The following PTPN11 variants were observed in gnomAD, a reference collection of about 807,000 sequenced individuals.
The protein encoded by PTPN11 is tyrosine-protein phosphatase non-receptor type 11.
Under a neutral mutation model 78.8 loss-of-function variants are expected in PTPN11, and 6 were observed. That is an observed-to-expected ratio of 0.08 (90% CI 0.04 to 0.15). The LOEUF is 0.15. PTPN11 is among the 10% of genes least tolerant of loss of function. The pLI is 1.00. For synonymous variants in PTPN11, 221 were observed against 263.5 expected, an observed-to-expected ratio of 0.84 and a Z score of 1.56; for missense variants, 386 against 744.8, an observed-to-expected ratio of 0.52 and a Z score of 5.61.
At chr12:112,423,995 G>C (rs545839060) in intron 1 of PTPN11, among the ~76,000 whole-genome samples, 1 of 152,168 alleles carries the variant, frequency 6.6e-6, no homozygotes, top group Non-Finnish European at 1.5e-5. Context: ...CAAGCTGTCT[G>C]CCTGCCTCGG....
intron 6 of PTPN11, among the ~76,000 whole-genome samples, chr12:112,458,861 C>T (rs961783265): frequency 5.9e-5 from 9 of 151,988 alleles, no homozygotes; most frequent in Admixed American, 3.9e-4. Context: ...GGTAAAACCC[C>T]GTCTCTACAA....
chr12:112,419,774 T>G (rs572317924), intron 1 of PTPN11, among the ~76,000 whole-genome samples: 1 of 152,354 alleles, frequency 6.6e-6, no homozygotes, highest in East Asian at 1.9e-4. Flanking sequence ...CATCTCGTTA[T>G]TTAATCCTTC....
intron 10 of PTPN11, among the ~76,000 whole-genome samples, chr12:112,485,414 C>A (rs769880468): frequency 1.1e-4 from 16 of 152,150 alleles, no homozygotes; most frequent in Non-Finnish European, 1.3e-4. Flanking sequence ...TATTAATTAT[C>A]ATTATCCTCA....
Position 112,507,052 on chromosome 12 carries a change from G to GC in PTPN11, c.*1263dup. The GC allele has an allele frequency of 5.7e-6, 1 of 176,576 alleles. No individual in the cohort carries two copies. Among genetic ancestry groups the GC allele is most frequent in the Non-Finnish European group, 1.2e-5 (1 of 83,202 alleles). The allele number at this position is 176,576 out of a possible 1,614,324, so 10.9% of individuals were successfully genotyped here. On this transcript the variant is annotated 3_prime_UTR_variant, in exon 16 of 16. Transcript: ENST00000351677. ...CCTCTACTTACTAAACAAGTCACAA[G>GC]CCCAGCTCAGATTCAAGAAAAGGGT...
intron 3 of PTPN11, 90 bp downstream of exon 3, chr12:112,450,602 C>A: frequency 1.6e-6 from 2 of 1,251,356 alleles, no homozygotes; most frequent in Non-Finnish European, 2.3e-6. Context: ...GACTCTCTGA[C>A]TCCAAAGGCT....
At chr12:112,427,473 G>A (rs1460304868) in intron 1 of PTPN11, among the ~76,000 whole-genome samples, 1 of 148,298 alleles carries the variant, frequency 6.7e-6, no homozygotes, top group Non-Finnish European at 1.5e-5. Flanking sequence ...GTGAACCCGG[G>A]AGGTGGAGGT....
intron 1 of PTPN11, among the ~76,000 whole-genome samples, chr12:112,424,959 TG>T (rs2037588977): frequency 3.7e-4 from 9 of 24,414 alleles, no homozygotes; most frequent in Non-Finnish European, 5.9e-4. Flanking sequence ...AGGCTAATTG[TG>T]TGTGTGTGTG....
chr12:112,482,196 G>A lies in PTPN11; in HGVS notation c.1215G>A (p.Lys405=). The change falls in exon 10 of 16, where the codon AAG becomes AAA. Residue 405 remains lysine (K), a synonymous_variant. Transcript: ENST00000351677. The surrounding 1 kb of genome is among the most constrained non-coding windows in gnomAD (Gnocchi z 4.4). The stretch of plus-strand genomic sequence containing the variant: ...CGCTAAGAGAACTTAAACTTTCAAA[G>A]GTTGGACAAGTAAGTATATTGTCGT... ...DYTLRELKLS[K]VGQGNTERTV... 1 of 1,613,478 alleles carries A rather than the reference G, an allele frequency of 6.2e-7. No homozygotes were observed. Among genetic ancestry groups the A allele is most frequent in the Non-Finnish European group, 8.5e-7 (1 of 1,179,534 alleles).
rs750640531 is a variant in PTPN11 at position 112,488,439 on chromosome 12, G to A, written c.1380-4G>A. 8.7e-6 allele frequency: 14 copies of A among 1,609,854 alleles called. No homozygotes were observed. Among genetic ancestry groups the A allele is most frequent in the African/African-American group, 1.3e-5 (1 of 74,890 alleles). On this transcript the variant is annotated splice_polypyrimidine_tract_variant and splice_region_variant and intron_variant, in intron 11 of 15. Transcript: ENST00000351677. Reference sequence around the variant, plus strand: ...GTCCCTGCTTTTTGTCCTTCTGCCCGCAGTGCTGGAATTGGCCGGACAGGG... The same window carrying A: ...GTCCCTGCTTTTTGTCCTTCTGCCCACAGTGCTGGAATTGGCCGGACAGGG...
chr12:112,431,720 A>G (rs2037715799), intron 1 of PTPN11, among the ~76,000 whole-genome samples: 2 of 152,346 alleles, frequency 1.3e-5, no homozygotes, highest in East Asian at 1.9e-4. Context: ...TCTGGATAAC[A>G]TCTAAATTTC....
intron 1 of PTPN11, among the ~76,000 whole-genome samples, chr12:112,433,829 C>T (rs2037749571): frequency 6.6e-6 from 1 of 152,164 alleles, no homozygotes; most frequent in African/African-American, 2.4e-5. Flanking sequence ...GTATTGGACA[C>T]CTTCATGGTC....
At chr12:112,434,021 G>A (rs1203599629) in intron 1 of PTPN11, among the ~76,000 whole-genome samples, 1 of 152,128 alleles carries the variant, frequency 6.6e-6, no homozygotes, top group Non-Finnish European at 1.5e-5. Flanking sequence ...TGTGGGCCAG[G>A]TGTGGTGGCT....
chr12:112,471,958 G>A (rs2038425253), intron 6 of PTPN11, among the ~76,000 whole-genome samples: 2 of 151,934 alleles, frequency 1.3e-5, no homozygotes, highest in African/African-American at 4.8e-5. Flanking sequence ...TTGTCATGTT[G>A]GCCAGGCTGG....
chr12:112,440,316 C>T (rs768383199), intron 1 of PTPN11, among the ~76,000 whole-genome samples: 6 of 152,102 alleles, frequency 3.9e-5, no homozygotes, highest in Non-Finnish European at 8.8e-5. Flanking sequence ...CTCTGTCGCC[C>T]AGGCTGGAGT....
intron 2 of PTPN11, among the ~76,000 whole-genome samples, chr12:112,449,724 T>G (rs1310482765): frequency 6.6e-6 from 1 of 152,136 alleles, no homozygotes; most frequent in African/African-American, 2.4e-5. Context: ...ATACAGTTAT[T>G]GTCACTTAAT....
In PTPN11 at chr12:112,434,586, G is replaced by A. The variant is rs577728974; in HGVS notation, c.15-11690G>A. Among the ~76,000 whole-genome samples the A allele has an allele frequency of 8.7e-5, 13 of 149,248 alleles. No individual in the cohort carries two copies. The South Asian group carries it at 2.5e-3, about 29-fold the overall frequency. On this transcript the variant is annotated intron_variant, in intron 1 of 15. Transcript: ENST00000351677. Reference sequence around the variant, plus strand: ...TCACGCCACTGCATTCCAGCCTGGCGACAGAGCAAGACTCCGTCTCAAAAA... The same window carrying A: ...TCACGCCACTGCATTCCAGCCTGGCAACAGAGCAAGACTCCGTCTCAAAAA...
Position 112,446,372 on chromosome 12 carries a change from C to A in PTPN11, c.111C>A (p.Asn37Lys), listed in dbSNP as rs1337565783. Residue 37 changes from asparagine to lysine, a missense_variant, in exon 2 of 16, where the codon AAC (asparagine) becomes AAA (lysine). Coordinates refer to ENST00000351677, the MANE Select transcript of PTPN11 (RefSeq NM_002834.5). ...GSFLARPSKS[N>K]PGDFTLSVRR... The stretch of plus-strand genomic sequence containing the variant: ...TTTTGGCAAGGCCTAGTAAAAGTAA[C>A]CCTGGAGACTTCACACTTTCCGTTA... The A allele has an allele frequency of 6.2e-7, 1 of 1,614,056 alleles. No homozygotes were observed. Among genetic ancestry groups the A allele is most frequent in the Admixed American group, 1.7e-5 (1 of 59,998 alleles).
intron 1 of PTPN11, among the ~76,000 whole-genome samples, chr12:112,440,016 T>A (rs2037858893): frequency 6.6e-6 from 1 of 152,108 alleles, no homozygotes; most frequent in Middle Eastern, 3.2e-3. Context: ...GTAGACAAAT[T>A]GAGGCCTAAT....
chr12:112,421,944 C>G (rs2037528516), intron 1 of PTPN11, among the ~76,000 whole-genome samples: 1 of 152,134 alleles, frequency 6.6e-6, no homozygotes, highest in Non-Finnish European at 1.5e-5. Flanking sequence ...TTACTTTAAC[C>G]TAGTATTAAT....
Sources: allele counts gnomAD v4.1 joint callset (sites outside exome capture counted in the v4.1 genomes callset), GRCh38; gene constraint gnomAD v4.1.1; non-coding constraint Gnocchi (gnomAD v3.1); transcripts MANE v1.5; gene names NCBI Gene and HGNC (gene_info 2026-07-23, HGNC 2026-07-21).